Variants in TENM2 observed in about 807,000 individuals in gnomAD.
TENM2 encodes teneurin transmembrane protein 2, also known as teneurin-2.
TENM2 carries 52 observed loss-of-function variants against 245.2 expected under a neutral mutation model. The ratio of observed to expected loss-of-function variants is 0.21; its 90% CI spans 0.17 to 0.27. The LOEUF (loss-of-function observed/expected upper bound fraction) is 0.27, where lower values mean the gene tolerates loss of function less well. Among genes scored for constraint, TENM2 ranks in the 10% least tolerant of loss-of-function variants. TENM2 has a pLI of 1.00. For missense variants in TENM2, 3,046 were observed against 3,666.8 expected, an observed-to-expected ratio of 0.83 and a Z score of 4.37; for synonymous variants, 1,363 against 1,438.9, an observed-to-expected ratio of 0.95 and a Z score of 1.19.
intron 23 of TENM2, among the ~76,000 whole-genome samples, chr5:168,220,307 A>G (rs1763563199): frequency 6.6e-6 from 1 of 152,192 alleles, no homozygotes; most frequent in Admixed American, 6.5e-5. Flanking sequence ...AGGGGGAAAA[A>G]ACATCCCTCT....
chr5:168,143,530 C>T (rs189797158), intron 12 of TENM2, among the ~76,000 whole-genome samples: 3 of 152,246 alleles, frequency 2.0e-5, no homozygotes, highest in Admixed American at 1.3e-4. Context: ...TAACCTAAAA[C>T]GTTAGATACT....
At chr5:166,993,210 T>G in the TENM2 span, among the ~76,000 whole-genome samples, 1 of 152,094 alleles carries the variant, frequency 6.6e-6, no homozygotes, top group East Asian at 1.9e-4. Flanking sequence ...GAGAAGCTGC[T>G]TACATAATAC....
the TENM2 span, among the ~76,000 whole-genome samples, chr5:167,003,396 C>A: frequency 3.9e-5 from 6 of 152,122 alleles, no homozygotes; most frequent in African/African-American, 1.4e-4. Context: ...GGGGGAAGGG[C>A]ATTTTCATTA....
intron 1 of TENM2, among the ~76,000 whole-genome samples, chr5:167,310,275 A>G (rs927591819): frequency 1.3e-5 from 2 of 152,154 alleles, no homozygotes; most frequent in Non-Finnish European, 2.9e-5. Context: ...TTTTATTTGC[A>G]ATTTTTTGCT....
intron 3 of TENM2, among the ~76,000 whole-genome samples, chr5:167,939,159 A>C (rs115283287): frequency 2.6e-5 from 4 of 152,252 alleles, no homozygotes; most frequent in Non-Finnish European, 1.5e-5. Context: ...CCTTTTTGGC[A>C]CCGAGGACCA....
chr5:167,470,454 C>CTTTTTTTTTTTTTTTTTTTTTTTTTTTT lies in TENM2; in HGVS notation c.502+95003_502+95004insTTTTTTTTTTTTTTTTTTTTTTTTTTTT, dbSNP rs749016436. On this transcript the variant is annotated intron_variant, in intron 2 of 28. Transcript: ENST00000518659. ...TACAGAGAGGTATGGGCAATGCTTG[C>CTTTTTTTTTTTTTTTTTTTTTTTTTTTT]TTTTTTTTTTTTTTTTTTTTTTGCT... 1.9e-3 allele frequency among the ~76,000 whole-genome samples: 91 copies of CTTTTTTTTTTTTTTTTTTTTTTTTTTTT among 47,396 alleles called. 15 individuals carry two copies. The highest frequency in any genetic ancestry group is 2.5e-3 in the Non-Finnish European group (68 of 27,426). The allele number at this position is 47,396 out of a possible 152,430, so 31.1% of individuals were successfully genotyped here. A position where few individuals can be genotyped will look rare whatever the true frequency, so the allele number is the denominator to read the frequency against.
the TENM2 span, among the ~76,000 whole-genome samples, chr5:167,058,050 T>C: frequency 6.6e-6 from 1 of 152,150 alleles, no homozygotes; most frequent in Non-Finnish European, 1.5e-5. Context: ...TCCCTGAATA[T>C]ACCTACAAGT....
intron 5 of TENM2, among the ~76,000 whole-genome samples, chr5:168,042,452 C>T (rs1048730500): frequency 3.3e-5 from 5 of 152,084 alleles, no homozygotes; most frequent in African/African-American, 9.7e-5. Flanking sequence ...CAGGTTGATC[C>T]TCTGCCAGCC....
At chr5:167,645,250 G>A (rs544829001) in intron 2 of TENM2, among the ~76,000 whole-genome samples, 2 of 152,044 alleles carry the variant, frequency 1.3e-5, no homozygotes, top group Non-Finnish European at 2.9e-5. Context: ...GTCTTTTCTC[G>A]AGCACAATCA....
intron 1 of TENM2, among the ~76,000 whole-genome samples, chr5:167,369,821 G>A (rs1048556282): frequency 2.0e-5 from 3 of 152,066 alleles, no homozygotes; most frequent in Non-Finnish European, 4.4e-5. Context: ...TTCCAATGCT[G>A]GCATTTTCAG....
chr5:167,217,178 G>A, the TENM2 span, among the ~76,000 whole-genome samples: 3 of 152,074 alleles, frequency 2.0e-5, no homozygotes, highest in Non-Finnish European at 4.4e-5. Context: ...AGAACCATGA[G>A]TTCCTAATAT....
intron 2 of TENM2, among the ~76,000 whole-genome samples, chr5:167,760,600 A>G (rs1265617948): frequency 1.3e-5 from 2 of 152,110 alleles, no homozygotes; most frequent in African/African-American, 4.8e-5. Context: ...GTGGACTTGT[A>G]AATAGGTAAG....
At chr5:167,154,920 C>T in the TENM2 span, among the ~76,000 whole-genome samples, 1 of 152,196 alleles carries the variant, frequency 6.6e-6, no homozygotes, top group Non-Finnish European at 1.5e-5. Context: ...TATTCCAATG[C>T]TGTTCCCCTT....
intron 2 of TENM2, among the ~76,000 whole-genome samples, chr5:167,477,196 T>G (rs1472054533): frequency 6.6e-6 from 1 of 151,954 alleles, no homozygotes; most frequent in African/African-American, 2.4e-5. Context: ...AATTAATAAT[T>G]TTTACTGCTT....
intron 12 of TENM2, among the ~76,000 whole-genome samples, chr5:168,148,916 TA>T (rs1756378437): frequency 4.2e-5 from 6 of 144,348 alleles, no homozygotes; most frequent in African/African-American, 1.0e-4. Context: ...GATAGATAGA[TA>T]GATTGATAGA....
At chr5:167,288,317 T>C (rs1321195691) in intron 1 of TENM2, among the ~76,000 whole-genome samples, 1 of 152,020 alleles carries the variant, frequency 6.6e-6, no homozygotes, top group African/African-American at 2.4e-5. Context: ...CCCAGCACTT[T>C]GGGAGGCCGA....
chr5:167,261,652 A>G, the TENM2 span, among the ~76,000 whole-genome samples: 1 of 152,190 alleles, frequency 6.6e-6, no homozygotes, highest in Non-Finnish European at 1.5e-5. Flanking sequence ...GAAGCAGTTC[A>G]CAAATAATGA....
chr5:167,435,968 TTTTTTTC>T (rs1039239738), intron 2 of TENM2, among the ~76,000 whole-genome samples: 3 of 140,022 alleles, frequency 2.1e-5, no homozygotes, highest in South Asian at 2.2e-4. Context: ...TCTTTTTCTT[TTTTTTTC>T]TTTTTTTTTT....
chr5:167,506,079 A>T (rs1582233512), intron 2 of TENM2, among the ~76,000 whole-genome samples: 1 of 152,312 alleles, frequency 6.6e-6, no homozygotes, highest in East Asian at 1.9e-4. Flanking sequence ...ACCAGGAAGG[A>T]AATGAAGAGA....
Sources: gnomAD v4.1 joint callset for allele counts (sites outside exome capture counted in the v4.1 genomes callset) on GRCh38, gnomAD v4.1.1 for gene constraint, MANE v1.5 for transcripts, NCBI Gene and HGNC (gene_info 2026-07-23, HGNC 2026-07-21) for gene names.